SIAH3: variants seen among roughly 807,000 people sequenced by gnomAD.
SIAH3 encodes the protein siah E3 ubiquitin protein ligase family member 3.
In SIAH3, 9 loss-of-function variants were observed where a neutral mutation model predicts 12.6. That is an observed-to-expected ratio of 0.72 (90% CI 0.43 to 1.25). The LOEUF is 1.25. Ranked by LOEUF, SIAH3 falls within the 50% of genes most tolerant of loss-of-function variation. The pLI is 0.00. For missense variants in SIAH3, 390 were observed against 365.4 expected (o/e 1.07, Z -0.55); for synonymous variants, 154 against 151.1 (o/e 1.02, Z -0.14).
At chr13:45,813,132 G>A (rs912427559) in intron 1 of SIAH3, among the ~76,000 whole-genome samples, 10 of 151,960 alleles carry the variant, frequency 6.6e-5, no homozygotes, top group African/African-American at 2.4e-4. Context: ...GGACCTGATG[G>A]GAACATGGTG....
At chr13:45,823,151 G>A (rs1249207658) in intron 1 of SIAH3, among the ~76,000 whole-genome samples, 1 of 152,128 alleles carries the variant, frequency 6.6e-6, no homozygotes, top group East Asian at 1.9e-4. Flanking sequence ...ATTACAACTC[G>A]TATTCTCATG....
chr13:45,797,564 G>A (rs745498552), intron 1 of SIAH3, among the ~76,000 whole-genome samples: 30 of 152,182 alleles, frequency 2.0e-4, no homozygotes, highest in Admixed American at 3.3e-4. Context: ...ATGAGTCTGC[G>A]GAGAGAGGGT....
chr13:45,833,554 G>A (rs954949961), intron 1 of SIAH3, among the ~76,000 whole-genome samples: 3 of 152,118 alleles, frequency 2.0e-5, no homozygotes, highest in African/African-American at 7.2e-5. Flanking sequence ...ACAAATAAAA[G>A]GAAGAGAAAG....
intron 1 of SIAH3, among the ~76,000 whole-genome samples, chr13:45,836,991 T>C (rs74072011): frequency 0.012 from 1,774 of 152,292 alleles, 32 homozygotes; most frequent in African/African-American, 0.04. Flanking sequence ...TGGTTAGTGG[T>C]AAATGTGTAG....
intron 1 of SIAH3, among the ~76,000 whole-genome samples, chr13:45,843,091 A>G (rs1272947617): frequency 7.5e-6 from 1 of 133,368 alleles, no homozygotes; most frequent in Non-Finnish European, 1.6e-5. Flanking sequence ...TAGGCAACTC[A>G]GGCCTAGGGC....
intron 1 of SIAH3, among the ~76,000 whole-genome samples, chr13:45,850,154 T>C (rs1402254597): frequency 6.6e-6 from 1 of 152,142 alleles, no homozygotes; most frequent in Admixed American, 6.5e-5. Flanking sequence ...GAGAGTCAGA[T>C]CCTAGGTCAG....
chr13:45,824,473 C>T (rs1779600776), intron 1 of SIAH3, among the ~76,000 whole-genome samples: 1 of 152,166 alleles, frequency 6.6e-6, no homozygotes, highest in Non-Finnish European at 1.5e-5. Context: ...TGTCACTGGC[C>T]ATTTTCTTCC....
At chr13:45,846,725 T>C (rs1950761424) in intron 1 of SIAH3, among the ~76,000 whole-genome samples, 1 of 152,192 alleles carries the variant, frequency 6.6e-6, no homozygotes. Context: ...GTGAAGAGAA[T>C]TCCACCAAAT....
intron 1 of SIAH3, among the ~76,000 whole-genome samples, chr13:45,799,482 G>A (rs1351397346): frequency 6.6e-6 from 1 of 152,226 alleles, no homozygotes; most frequent in Non-Finnish European, 1.5e-5. Flanking sequence ...GACACCTGCT[G>A]AGTGTCTGTT....
At chr13:45,798,223 TC>T (rs1344887872) in intron 1 of SIAH3, among the ~76,000 whole-genome samples, 7 of 152,246 alleles carry the variant, frequency 4.6e-5, no homozygotes, top group Admixed American at 1.3e-4. Flanking sequence ...AGAAGCAGCT[TC>T]CTCTTTTTAG....
chr13:45,828,940 A>T (rs912590166), intron 1 of SIAH3, among the ~76,000 whole-genome samples: 1 of 149,250 alleles, frequency 6.7e-6, no homozygotes. Context: ...AATTAACTCT[A>T]TTTTTTTTTT....
chr13:45,801,743 C>T, intron 1 of SIAH3, among the ~76,000 whole-genome samples: 1 of 152,122 alleles, frequency 6.6e-6, no homozygotes, highest in Admixed American at 6.5e-5. Flanking sequence ...GTTTTCATAC[C>T]TAGTACCTCA....
At chr13:45,792,414 A>G (rs946210957) in intron 1 of SIAH3, among the ~76,000 whole-genome samples, 1 of 151,162 alleles carries the variant, frequency 6.6e-6, no homozygotes, top group Non-Finnish European at 1.5e-5. Flanking sequence ...CTGGAGTGCA[A>G]TGGCGTAATC....
chr13:45,823,418 G>A (rs1427151296), intron 1 of SIAH3, among the ~76,000 whole-genome samples: 1 of 152,228 alleles, frequency 6.6e-6, no homozygotes, highest in South Asian at 2.1e-4. Context: ...GGCAAGGCAA[G>A]TCTGCCCTAT....
Position 45,851,683 on chromosome 13 carries a change from C to A in SIAH3, c.-54G>T. 6.2e-7 allele frequency: 1 copy of A among 1,611,684 alleles called. No homozygotes were observed. Among genetic ancestry groups the A allele is most frequent in the South Asian group, 1.1e-5 (1 of 90,872 alleles). ...GAAGGCAGCGGAGGAAGCTGTGAGTCCTTGGGCCCTGGAAGGAGCGCAGCC... is the reference window on the plus strand; with the variant it reads ...GAAGGCAGCGGAGGAAGCTGTGAGTACTTGGGCCCTGGAAGGAGCGCAGCC... On this transcript the variant is annotated 5_prime_UTR_variant, in exon 1 of 2. Transcript: ENST00000400405.
intron 1 of SIAH3, among the ~76,000 whole-genome samples, chr13:45,811,352 A>C (rs1241317417): frequency 2.0e-5 from 3 of 152,228 alleles, no homozygotes; most frequent in Non-Finnish European, 4.4e-5. Context: ...ACAGAAATGA[A>C]TGTTTTCAGG....
chr13:45,803,659 T>C (rs1193056352), intron 1 of SIAH3, among the ~76,000 whole-genome samples: 2 of 152,194 alleles, frequency 1.3e-5, no homozygotes, highest in African/African-American at 4.8e-5. Context: ...TCAGCAATCC[T>C]GGAAGGTCAA....
intron 1 of SIAH3, among the ~76,000 whole-genome samples, chr13:45,807,407 C>G (rs796467714): frequency 2.0e-5 from 3 of 152,100 alleles, no homozygotes; most frequent in African/African-American, 7.2e-5. Flanking sequence ...TAGAATAAAG[C>G]TACAGTATTA....
At position 45,780,805 on chromosome 13, in the gene SIAH3, A is replaced by T. The variant is rs185051979; in HGVS notation, c.*2578T>A. The T allele has an allele frequency of 6.6e-6, 1 of 152,206 alleles. No homozygotes were observed. Among genetic ancestry groups the T allele is most frequent in the Non-Finnish European group, 1.5e-5 (1 of 68,042 alleles). 9.4% of individuals were successfully genotyped at this position (152,206 alleles called of 1,614,324 possible). A position where few individuals can be genotyped will look rare whatever the true frequency, so the allele number is the denominator to read the frequency against. On this transcript the variant is annotated 3_prime_UTR_variant, in exon 2 of 2. Transcript: ENST00000400405. ...CCTGATGTGTGACCTTGAAAAGATC[A>T]CTTCATGTCTTAGAACCTCTATTCT...
Sources: gnomAD v4.1 joint callset for allele counts (sites outside exome capture counted in the v4.1 genomes callset) on GRCh38, gnomAD v4.1.1 for gene constraint, MANE v1.5 for transcripts, NCBI Gene and HGNC (gene_info 2026-07-23, HGNC 2026-07-21) for gene names.